Variants in WDR33 observed in about 807,000 individuals in gnomAD.
WDR33 encodes pre-mRNA 3' end processing protein WDR33.
Under a neutral mutation model 164.9 loss-of-function variants are expected in WDR33, and 47 were observed. The ratio of observed to expected loss-of-function variants is 0.29; its 90% CI spans 0.23 to 0.36. WDR33 has a LOEUF of 0.36. Ranked by LOEUF, WDR33 falls within the 10% of genes least tolerant of loss-of-function variation. The pLI is 1.00. For synonymous variants in WDR33, 505 were observed against 589.0 expected (o/e 0.86, Z 2.06); for missense variants, 1,137 against 1,754.1 (o/e 0.65, Z 6.28).
At position 127,719,960 on chromosome 2, in the gene WDR33, G is replaced by A. The variant is rs760188052; in HGVS notation, c.2065C>T (p.Pro689Ser). ...CCTTGTGGTCCAGGTGGCCCTTGAG[G>A]TCCCAAAGGGCCATGAGGTCCAGGA... is the stretch of plus-strand genomic sequence containing the variant. ...RHPGPHGPLG[P>S]QGPPGPQGSS... Residue 689 changes from proline to serine, a missense_variant, in exon 16 of 22, where the codon CCT becomes TCT. By Grantham distance (74) the Pro-to-Ser change is moderately conservative. Coordinates refer to ENST00000322313, the MANE Select transcript of WDR33 (RefSeq NM_018383.5). The surrounding 1 kb of genome is among the most constrained non-coding windows in gnomAD (Gnocchi z 6.5). 1.2e-6 allele frequency: 2 copies of A among 1,614,008 alleles called. No homozygotes were observed. The highest frequency in any genetic ancestry group is 2.2e-5 in the East Asian group (1 of 44,868).
At chr2:127,807,601 G>T (rs2104693624) in intron 1 of WDR33, among the ~76,000 whole-genome samples, 1 of 152,314 alleles carries the variant, frequency 6.6e-6, no homozygotes, top group Non-Finnish European at 1.5e-5. Context: ...TCATTAATTG[G>T]ATTTAGCTGG....
intron 1 of WDR33, among the ~76,000 whole-genome samples, chr2:127,787,445 C>A (rs1276376707): frequency 7.4e-6 from 1 of 135,076 alleles, no homozygotes; most frequent in African/African-American, 3.1e-5. Context: ...CGGGCAGAGG[C>A]GCCCCTCACC....
chr2:127,764,842 C>T lies in WDR33; in HGVS notation c.612G>A (p.Ala204=), dbSNP rs1277295078. 1.2e-6 allele frequency: 2 copies of T among 1,614,182 alleles called. No homozygotes were observed. Among genetic ancestry groups the T allele is most frequent in the Non-Finnish European group, 1.7e-6 (2 of 1,180,024 alleles). Reference sequence around the variant, plus strand: ...TGTGTATAAACCTGGCCTCTCTAATCGCCTCCTTATGTGCCTGGAACATCT... The same window carrying T: ...TGTGTATAAACCTGGCCTCTCTAATTGCCTCCTTATGTGCCTGGAACATCT... The part of the protein sequence containing the change: ...NVKMFQAHKE[A]IREASFSPTD... Residue 204 remains alanine, a synonymous_variant, in exon 6 of 22, where the codon GCG becomes GCA. Coordinates refer to ENST00000322313, the MANE Select transcript of WDR33 (RefSeq NM_018383.5). The surrounding 1 kb of genome is among the most constrained non-coding windows in gnomAD (Gnocchi z 6.2).
chr2:127,802,376 G>A (rs1324843022), intron 1 of WDR33, among the ~76,000 whole-genome samples: 1 of 152,054 alleles, frequency 6.6e-6, no homozygotes, highest in Non-Finnish European at 1.5e-5. Context: ...CCGTCTCCTG[G>A]GTGCAAGCAA....
At position 127,726,568 on chromosome 2, in the gene WDR33, A is replaced by C; in HGVS notation, c.851+83T>G. The C allele has an allele frequency of 3.4e-5, 52 of 1,541,008 alleles. No individual in the cohort carries two copies. The highest frequency in any genetic ancestry group is 4.2e-5 in the Non-Finnish European group (48 of 1,144,068). ...TAAATGACTCTTCCAGAAATACATA[A>C]GAGAAAACAAAGCTAAAAGTTAAAG... On this transcript the variant is annotated intron_variant, in intron 8 of 21. Transcript: ENST00000322313. This position sits in a 1 kb window ranked among gnomAD's most constrained non-coding sequence, Gnocchi z 4.8.
At chr2:127,808,213 T>G (rs1689506848) in intron 1 of WDR33, among the ~76,000 whole-genome samples, 1 of 152,206 alleles carries the variant, frequency 6.6e-6, no homozygotes, top group Non-Finnish European at 1.5e-5. Context: ...GAATGCCTAC[T>G]ATATATGAGG....
rs545849604 is a variant in WDR33 at position 127,733,866 on chromosome 2, C to T, written c.725-7089G>A. ...TCAATGATACCAGAGCTTGAGAAGACCTGCAGAACTATCCAGCCCTCTAAC... is the reference window on the plus strand; with the variant it reads ...TCAATGATACCAGAGCTTGAGAAGATCTGCAGAACTATCCAGCCCTCTAAC... On this transcript the variant is annotated intron_variant, in intron 7 of 21. Transcript: ENST00000322313. Among the ~76,000 whole-genome samples the T allele has an allele frequency of 5.3e-5, 8 of 152,308 alleles. No individual in the cohort carries two copies. In the South Asian group the frequency reaches 1.5e-3, roughly 28 times the overall value.
chr2:127,779,496 G>T (rs1345251379), intron 1 of WDR33, among the ~76,000 whole-genome samples: 1 of 150,184 alleles, frequency 6.7e-6, no homozygotes, highest in Non-Finnish European at 1.5e-5. Context: ...TAGAACATAT[G>T]ATAGAACTGC....
intron 7 of WDR33, chr2:127,737,117 A>T (rs904938565): frequency 5.7e-5 from 56 of 985,306 alleles, no homozygotes; most frequent in East Asian, 2.3e-4. Flanking sequence ...TGGACTTTTT[A>T]AAAAATTTAC....
At chr2:127,793,323 C>T (rs1407209919) in intron 1 of WDR33, among the ~76,000 whole-genome samples, 3 of 151,468 alleles carry the variant, frequency 2.0e-5, no homozygotes, top group African/African-American at 4.9e-5. Context: ...CCCACCTACT[C>T]GGGAGGCTAA....
At chr2:127,761,663 G>T (rs1365283665) in intron 7 of WDR33, among the ~76,000 whole-genome samples, 8 of 152,192 alleles carry the variant, frequency 5.3e-5, no homozygotes, top group Non-Finnish European at 1.0e-4. Flanking sequence ...CAAATGATAA[G>T]ATTCTAGTCC....
At chr2:127,707,397 C>G (rs568776664) in intron 21 of WDR33, among the ~76,000 whole-genome samples, 8 of 152,262 alleles carry the variant, frequency 5.3e-5, no homozygotes, top group African/African-American at 1.9e-4. Context: ...GAATATGAAT[C>G]TAGCTGAGAT....
intron 7 of WDR33, among the ~76,000 whole-genome samples, chr2:127,757,740 G>C (rs1383325280): frequency 1.3e-5 from 2 of 151,956 alleles, no homozygotes; most frequent in African/African-American, 4.8e-5. Flanking sequence ...TAAACTACAT[G>C]GTTTACCAAT....
At chr2:127,810,972 C>G (rs1027022147) in intron 1 of WDR33, 40 bp downstream of exon 1, 37 of 152,752 alleles carry the variant, frequency 2.4e-4, no homozygotes, top group African/African-American at 8.7e-4. Context: ...GTGCCGCTGC[C>G]TGCTGCAGGC....
chr2:127,769,244 T>C (rs1034700345), intron 2 of WDR33, among the ~76,000 whole-genome samples: 5 of 152,002 alleles, frequency 3.3e-5, no homozygotes, highest in African/African-American at 1.2e-4. Flanking sequence ...TCCTAGCACT[T>C]TGTGAGGGCG....
chr2:127,810,503 C>A (rs1689613637), intron 1 of WDR33, among the ~76,000 whole-genome samples: 1 of 152,178 alleles, frequency 6.6e-6, no homozygotes, highest in African/African-American at 2.4e-5. Flanking sequence ...AATAGAAATA[C>A]AACTATTCCA....
At chr2:127,736,404 G>C in intron 7 of WDR33, 1 of 985,402 alleles carries the variant, frequency 1.0e-6, no homozygotes, top group East Asian at 1.1e-4. Flanking sequence ...GATCAGAACT[G>C]AGTGGTAGCA....
At chr2:127,749,661 CAAAA>C (rs1212240477) in intron 7 of WDR33, among the ~76,000 whole-genome samples, 4 of 80,958 alleles carry the variant, frequency 4.9e-5, no homozygotes, top group Non-Finnish European at 8.0e-5. Flanking sequence ...GACTCCACCT[CAAAA>C]AAAAAAAAAA....
In WDR33 at chr2:127,722,879, T is replaced by C; in HGVS notation, c.1378+79A>G. On this transcript the variant is annotated intron_variant, in intron 13 of 21. Transcript: ENST00000322313. This position sits in a 1 kb window ranked among gnomAD's most constrained non-coding sequence, Gnocchi z 5.1. ...TTCTCAACATAAATCATTTTGGTAT[T>C]TCAATATATTTATCAGGAACATAAA... 7.0e-7 allele frequency: 1 copy of C among 1,428,900 alleles called. No individual in the cohort carries two copies. Among genetic ancestry groups the C allele is most frequent in the Non-Finnish European group, 9.5e-7 (1 of 1,057,056 alleles). The allele number at this position is 1,428,900 out of a possible 1,614,324, so 88.5% of individuals were successfully genotyped here. A position where few individuals can be genotyped will look rare whatever the true frequency, so the allele number is the denominator to read the frequency against.
Sources: allele counts gnomAD v4.1 joint callset (sites outside exome capture counted in the v4.1 genomes callset), GRCh38; gene constraint gnomAD v4.1.1; non-coding constraint Gnocchi (gnomAD v3.1); transcripts MANE v1.5; gene names NCBI Gene and HGNC (gene_info 2026-07-23, HGNC 2026-07-21).